SPON2: variants seen among roughly 807,000 people sequenced by gnomAD.
The protein encoded by SPON2 is spondin-2.
SPON2 carries 32 observed loss-of-function variants against 29.9 expected under a neutral mutation model. That is an observed-to-expected ratio of 1.07 (90% CI 0.81 to 1.44). The LOEUF is 1.44. SPON2 is among the 40% of genes most tolerant of loss of function. The pLI, the probability that SPON2 is intolerant of heterozygous loss-of-function variation, is 0.00. For missense variants in SPON2, 541 were observed against 455.5 expected, an observed-to-expected ratio of 1.19 and a Z score of -1.71; for synonymous variants, 248 against 209.1, an observed-to-expected ratio of 1.19 and a Z score of -1.61.
At chr4:1,191,149 G>A (rs573878915) in intron 1 of SPON2, among the ~76,000 whole-genome samples, 45 of 150,794 alleles carry the variant, frequency 3.0e-4, no homozygotes, top group Middle Eastern at 3.4e-3. Context: ...AGAGGCCTCA[G>A]ATTGCCAAAA....
intron 1 of SPON2, among the ~76,000 whole-genome samples, chr4:1,183,792 AG>A (rs1393997255): frequency 6.6e-6 from 1 of 152,214 alleles, no homozygotes; most frequent in African/African-American, 2.4e-5. Flanking sequence ...GTAACCACAA[AG>A]GAAATAGCTA....
chr4:1,204,679 C>T (rs573873760), intron 1 of SPON2, among the ~76,000 whole-genome samples: 1 of 152,244 alleles, frequency 6.6e-6, no homozygotes, highest in East Asian at 1.9e-4. Context: ...CTACCTGATT[C>T]CAGGGTTCTC....
Position 1,170,477 on chromosome 4 carries a change from G to A in SPON2, c.736C>T (p.Gln246Ter), listed in dbSNP as rs537715357. 1 of 1,614,062 alleles carries A rather than the reference G, an allele frequency of 6.2e-7. No homozygotes were observed. The highest frequency in any genetic ancestry group is 1.3e-5 in the African/African-American group (1 of 75,052). Residue 246 changes from glutamine (Q) to a stop codon, truncating the protein, a stop_gained, in exon 5 of 6, where the codon CAG becomes TAG. Transcript: ENST00000290902. LOFTEE classifies it high-confidence loss of function. ...IARVTLVRLR[Q>*]SPRAFIPPAP... ...GGAGGGATGAAGGCCCTGGGGCTCT[G>A]TCGCAGCCGCACCAGTGTCACCCTG... is the stretch of plus-strand genomic sequence containing the variant.
At chr4:1,173,106 A>G (rs1345536747), upstream of SPON2, 1 of 151,910 alleles carries the variant, frequency 6.6e-6, no homozygotes, top group Non-Finnish European at 1.5e-5. Context: ...CCAGCGTGCT[A>G]CACCTTCTTG....
chr4:1,202,745 C>T lies in SPON2; in HGVS notation c.-234+5135G>A, dbSNP rs1458088933. Among the ~76,000 whole-genome samples the T allele has an allele frequency of 6.6e-6, 1 of 152,254 alleles. No individual in the cohort carries two copies. Among genetic ancestry groups the T allele is most frequent in the African/African-American group, 2.4e-5 (1 of 41,478 alleles). On this transcript the variant is annotated intron_variant, in intron 1 of 3. Transcript: ENST00000509233. This position sits in a 1 kb window ranked among gnomAD's most constrained non-coding sequence, Gnocchi z 5.4. Reference sequence around the variant, plus strand: ...AGGCAGCTCCAACCCCACGATGAGCCTCTGCCTGGGCCCCAAGGCTGTCAG... The same window carrying T: ...AGGCAGCTCCAACCCCACGATGAGCTTCTGCCTGGGCCCCAAGGCTGTCAG...
chr4:1,198,186 G>A (rs1313270773), upstream of SPON2, among the ~76,000 whole-genome samples: 7 of 152,324 alleles, frequency 4.6e-5, no homozygotes, highest in Admixed American at 2.6e-4. Flanking sequence ...GAGACAGCCC[G>A]CTCGGCCGGG....
At chr4:1,186,612 A>G (rs1270592956) in intron 1 of SPON2, among the ~76,000 whole-genome samples, 6 of 152,186 alleles carry the variant, frequency 3.9e-5, no homozygotes, top group Non-Finnish European at 5.9e-5. Flanking sequence ...CTGATGGGAG[A>G]AAATATTTAC....
chr4:1,171,041 G>A lies in SPON2; in HGVS notation c.594C>T (p.Ser198=), dbSNP rs1440387075. The A allele has an allele frequency of 1.3e-6, 2 of 1,549,148 alleles. No individual in the cohort carries two copies. Among genetic ancestry groups the A allele is most frequent in the Non-Finnish European group, 1.7e-6 (2 of 1,146,118 alleles). Residue 198 remains serine (S), a synonymous_variant, in exon 4 of 6, where the codon TCC becomes TCT. Coordinates refer to ENST00000290902, the MANE Select transcript of SPON2 (RefSeq NM_012445.4). ...DAGTDSGFTF[S]SPNFATIPQD... ...GCGGGATGGTGGCGAAGTTGGGGGA[G>A]GAGAAGGTGAAGCCGCTGTCCGTCC...
chr4:1,205,658 C>T (rs946247321), intron 1 of SPON2, among the ~76,000 whole-genome samples: 9 of 152,148 alleles, frequency 5.9e-5, no homozygotes, highest in Non-Finnish European at 1.3e-4. Flanking sequence ...GGGTGGGGGC[C>T]CAGGGAGGGG....
Position 1,171,368 on chromosome 4 carries a change from C to G in SPON2, c.339G>C (p.Ala113=). ...AWALMKEIEA[A]GEALQSVHAV... is the part of the protein sequence containing the mutation. The stretch of plus-strand genomic sequence containing the variant: ...CGTGCACGCTCTGCAGCGCCTCCCC[C>G]GCCGCCTCGATCTCCTTCATCAGCG... The change falls in exon 3 of 6, where the codon GCG becomes GCC. Residue 113 remains alanine (A), a synonymous_variant. Transcript: ENST00000290902. The G allele has an allele frequency of 6.2e-7, 1 of 1,611,764 alleles. No individual in the cohort carries two copies. Among genetic ancestry groups the G allele is most frequent in the Non-Finnish European group, 8.5e-7 (1 of 1,179,642 alleles).
exon 1 of SPON2, chr4:1,195,033 CCG>C (rs1728025880): frequency 8.9e-6 from 1 of 112,254 alleles, no homozygotes; most frequent in African/African-American, 3.4e-5. Flanking sequence ...GGCTCCAACC[CCG>C]CAGCCGGCGG....
intron 2 of SPON2, 34 bp from the exon 3 acceptor site, chr4:1,171,520 G>C: frequency 1.3e-6 from 2 of 1,593,462 alleles, no homozygotes; most frequent in South Asian, 2.2e-5. Flanking sequence ...GCGGACCATG[G>C]TCAGACACTG....
intron 2 of SPON2, 140 bp downstream of exon 2, chr4:1,171,712 G>A (rs1285234450): frequency 1.6e-5 from 13 of 793,704 alleles, no homozygotes; most frequent in Non-Finnish European, 2.7e-5. Flanking sequence ...CACCGCAGGC[G>A]CTCGGCAAAC....
At chr4:1,186,865 A>C (rs1463956386) in intron 1 of SPON2, among the ~76,000 whole-genome samples, 1 of 152,170 alleles carries the variant, frequency 6.6e-6, no homozygotes, top group Non-Finnish European at 1.5e-5. Context: ...TATCAAAAAA[A>C]CCCCAAAATA....
chr4:1,187,788 A>T (rs759455628), intron 1 of SPON2, among the ~76,000 whole-genome samples: 1 of 152,098 alleles, frequency 6.6e-6, no homozygotes, highest in Non-Finnish European at 1.5e-5. Context: ...CAGATGTCTA[A>T]TCATCACTCT....
At chr4:1,183,901 CA>C (rs533446968) in intron 1 of SPON2, among the ~76,000 whole-genome samples, 1 of 152,076 alleles carries the variant, frequency 6.6e-6, no homozygotes, top group Non-Finnish European at 1.5e-5. Flanking sequence ...AAATGGAGGA[CA>C]AAAAACTATA....
intron 1 of SPON2, among the ~76,000 whole-genome samples, chr4:1,186,520 T>C (rs1008231852): frequency 5.3e-5 from 8 of 152,068 alleles, no homozygotes; most frequent in African/African-American, 1.9e-4. Context: ...CCCAGGCTGG[T>C]CTCAAACTCC....
chr4:1,202,945 C>T lies in SPON2; in HGVS notation c.-234+4935G>A, dbSNP rs955037155. On this transcript the variant is annotated intron_variant, in intron 1 of 3. Transcript: ENST00000509233. This position sits in a 1 kb window ranked among gnomAD's most constrained non-coding sequence, Gnocchi z 5.4. ...GGGCTGGGCCAGGATCGGGGGAGACCCAGGCAGGCAGTGAGCTCTGCGGTC... is the reference window on the plus strand; with the variant it reads ...GGGCTGGGCCAGGATCGGGGGAGACTCAGGCAGGCAGTGAGCTCTGCGGTC... Among the ~76,000 whole-genome samples the T allele has an allele frequency of 6.6e-6, 1 of 152,192 alleles. No individual in the cohort carries two copies. The highest frequency in any genetic ancestry group is 2.4e-5 in the African/African-American group (1 of 41,432).
Position 1,202,424 on chromosome 4 carries a change from T to G in SPON2, c.-234+5456A>C, listed in dbSNP as rs1217355858. 6.6e-6 allele frequency among the ~76,000 whole-genome samples: 1 copy of G among 152,198 alleles called. No individual in the cohort carries two copies. The highest frequency in any genetic ancestry group is 1.5e-5 in the Non-Finnish European group (1 of 68,030). On this transcript the variant is annotated intron_variant, in intron 1 of 3. Coordinates refer to the SPON2 transcript ENST00000509233. The surrounding 1 kb of genome is among the most constrained non-coding windows in gnomAD (Gnocchi z 5.4). ...CCACGGCACTGCACGCCAGGCCCAG[T>G]ACTCACCGCTCTCACATACAAAATC...
Sources: allele counts gnomAD v4.1 joint callset (sites outside exome capture counted in the v4.1 genomes callset), GRCh38; gene constraint gnomAD v4.1.1; non-coding constraint Gnocchi (gnomAD v3.1); transcripts MANE v1.5; gene names NCBI Gene and HGNC (gene_info 2026-07-23, HGNC 2026-07-21).